The following CWC27 variants were observed in gnomAD, a reference collection of about 807,000 sequenced individuals.
CWC27 encodes CWC27 spliceosome associated cyclophilin.
A neutral mutation model predicts 63.6 loss-of-function variants in CWC27; 47 were observed. The ratio of observed to expected loss-of-function variants is 0.74; its 90% CI spans 0.58 to 0.94. The LOEUF (loss-of-function observed/expected upper bound fraction) is 0.94, where lower values mean the gene tolerates loss of function less well. Ranked by LOEUF, CWC27 falls within the 40% of genes least tolerant of loss-of-function variation. CWC27 has a pLI of 0.00. For synonymous variants in CWC27, 175 were observed against 179.8 expected (o/e 0.97, Z 0.22); for missense variants, 495 against 554.3 (o/e 0.89, Z 1.07).
intron 11 of CWC27, among the ~76,000 whole-genome samples, chr5:64,888,781 A>G (rs780862446): frequency 6.6e-6 from 1 of 151,986 alleles, no homozygotes; most frequent in Non-Finnish European, 1.5e-5. Context: ...ATAGATGCTA[A>G]AGTTAGTAGA....
intron 11 of CWC27, among the ~76,000 whole-genome samples, chr5:64,895,727 A>C (rs922093612): frequency 3.9e-5 from 6 of 152,226 alleles, no homozygotes; most frequent in Non-Finnish European, 8.8e-5. Flanking sequence ...AGGCTTGAAA[A>C]TATAAAGAAC....
chr5:65,003,955 G>A (rs569725087), intron 13 of CWC27, among the ~76,000 whole-genome samples: 6 of 151,248 alleles, frequency 4.0e-5, no homozygotes, highest in Admixed American at 6.6e-5. Context: ...AGCGATTCTC[G>A]TACTTCAGCC....
intron 11 of CWC27, among the ~76,000 whole-genome samples, chr5:64,893,085 G>T (rs753297252): frequency 6.6e-6 from 1 of 152,168 alleles, no homozygotes; most frequent in African/African-American, 2.4e-5. Context: ...GTGTGCATGC[G>T]CACACACACG....
intron 10 of CWC27, among the ~76,000 whole-genome samples, chr5:64,845,761 T>C (rs1328439543): frequency 6.6e-6 from 1 of 152,128 alleles, no homozygotes; most frequent in Non-Finnish European, 1.5e-5. Flanking sequence ...AGTTCAAACC[T>C]TTGCATACTA....
rs1011697426 is a variant in CWC27, at chr5:64,852,107, G to A, written c.939-33336G>A. On this transcript the variant is annotated intron_variant, in intron 10 of 13. Coordinates refer to ENST00000381070, the MANE Select transcript of CWC27 (RefSeq NM_005869.4). The stretch of plus-strand genomic sequence containing the variant: ...ACTAGTAGATAATAATCTTCTACTA[G>A]TATTAAAACACAGAAATGTTCTTAG... 2.0e-5 allele frequency among the ~76,000 whole-genome samples: 3 copies of A among 152,092 alleles called. No homozygotes were observed. The East Asian group carries it at 5.8e-4, about 29-fold the overall frequency.
intron 10 of CWC27, among the ~76,000 whole-genome samples, chr5:64,806,855 A>G (rs192795441): frequency 1.8e-3 from 281 of 152,296 alleles, no homozygotes; most frequent in Middle Eastern, 0.014. Context: ...ATTTTAATAA[A>G]TTTCCAAATC....
intron 11 of CWC27, among the ~76,000 whole-genome samples, chr5:64,959,121 G>A (rs561884012): frequency 9.2e-5 from 14 of 152,094 alleles, no homozygotes; most frequent in African/African-American, 3.1e-4. Flanking sequence ...GCATCCTTCT[G>A]TCTAGTTTCT....
intron 13 of CWC27, among the ~76,000 whole-genome samples, chr5:64,984,340 T>C (rs1749382704): frequency 6.6e-6 from 1 of 152,210 alleles, no homozygotes; most frequent in Non-Finnish European, 1.5e-5. Context: ...AGTGCCTGGT[T>C]CATAATGGGC....
At chr5:64,902,548 T>C (rs1263426159) in intron 11 of CWC27, among the ~76,000 whole-genome samples, 1 of 152,244 alleles carries the variant, frequency 6.6e-6, no homozygotes, top group Non-Finnish European at 1.5e-5. Context: ...ATGGGTTTAT[T>C]CTATATATTA....
chr5:64,802,860 G>A (rs1744534948), intron 9 of CWC27, among the ~76,000 whole-genome samples: 1 of 152,170 alleles, frequency 6.6e-6, no homozygotes, highest in Non-Finnish European at 1.5e-5. Context: ...AGGATAGAAA[G>A]TAAAAGTATA....
intron 13 of CWC27, among the ~76,000 whole-genome samples, chr5:65,005,059 C>T (rs1422276349): frequency 2.6e-5 from 4 of 151,510 alleles, no homozygotes; most frequent in Non-Finnish European, 5.9e-5. Flanking sequence ...TTAGGCCGCA[C>T]TTGTTAGTGT....
chr5:64,772,864 G>C (rs1157807308), intron 1 of CWC27, among the ~76,000 whole-genome samples: 1 of 151,490 alleles, frequency 6.6e-6, no homozygotes, highest in East Asian at 1.9e-4. Flanking sequence ...TTGAACCCGG[G>C]AAGCAGAGGT....
chr5:64,837,738 A>G (rs1745694285), intron 10 of CWC27, among the ~76,000 whole-genome samples: 1 of 152,080 alleles, frequency 6.6e-6, no homozygotes, highest in Non-Finnish European at 1.5e-5. Flanking sequence ...TTAGAGGTTT[A>G]CAACTTAGTT....
At chr5:65,014,631 CT>C (rs1426103131) in intron 13 of CWC27, among the ~76,000 whole-genome samples, 1 of 152,050 alleles carries the variant, frequency 6.6e-6, no homozygotes, top group Non-Finnish European at 1.5e-5. Context: ...TGATTGTAAA[CT>C]ATCAGACCCC....
intron 10 of CWC27, among the ~76,000 whole-genome samples, chr5:64,845,262 T>C (rs1208217642): frequency 1.3e-5 from 2 of 152,164 alleles, no homozygotes; most frequent in African/African-American, 4.8e-5. Context: ...GAACACCTAT[T>C]GTAAAGGCTA....
intron 13 of CWC27, among the ~76,000 whole-genome samples, chr5:65,005,276 G>C (rs1749821713): frequency 6.6e-6 from 1 of 151,964 alleles, no homozygotes; most frequent in South Asian, 2.1e-4. Flanking sequence ...GGGTGGGGCA[G>C]ATTAATCCCC....
chr5:64,815,829 A>G (rs777282246), intron 10 of CWC27, among the ~76,000 whole-genome samples: 6 of 152,316 alleles, frequency 3.9e-5, no homozygotes, highest in Non-Finnish European at 8.8e-5. Flanking sequence ...TCACAGATGA[A>G]TAACACTTCA....
At chr5:64,952,713 T>C (rs1454241920) in intron 11 of CWC27, among the ~76,000 whole-genome samples, 1 of 152,086 alleles carries the variant, frequency 6.6e-6, no homozygotes, top group Non-Finnish European at 1.5e-5. Flanking sequence ...TTTAAGCCTA[T>C]GGTTTTGTTA....
chr5:64,788,953 AT>A lies in CWC27; in HGVS notation c.606del (p.Phe202LeufsTer17), dbSNP rs777801764. The A allele has an allele frequency of 1.0e-5, 16 of 1,576,256 alleles. No individual in the cohort carries two copies. Among genetic ancestry groups the A allele is most frequent in the Non-Finnish European group, 1.4e-5 (16 of 1,163,164 alleles). On this transcript the variant is annotated frameshift_variant, in exon 7 of 14. Transcript: ENST00000381070. LOFTEE classifies it high-confidence loss of function. ...VKKLKPKGTK[N>X]FSLLSFGEEA... The stretch of plus-strand genomic sequence containing the variant: ...TTTCTTTCTTTTTTTTGGACTAGAA[AT>A]TTTAGTTTACTTTCATTTGGAGAGG...
Sources: allele counts gnomAD v4.1 joint callset (sites outside exome capture counted in the v4.1 genomes callset), GRCh38; gene constraint gnomAD v4.1.1; transcripts MANE v1.5; gene names NCBI Gene and HGNC (gene_info 2026-07-23, HGNC 2026-07-21).